The following PLCB1 variants were observed in gnomAD, a reference collection of about 807,000 sequenced individuals.
The protein encoded by PLCB1 is phospholipase C beta 1.
PLCB1 carries 46 observed loss-of-function variants against 161.8 expected under a neutral mutation model. The observed-to-expected ratio is 0.28, with a 90% CI of 0.22 to 0.36. The LOEUF (loss-of-function observed/expected upper bound fraction) is 0.36, where lower values mean the gene tolerates loss of function less well. Among genes scored for constraint, PLCB1 ranks in the 10% least tolerant of loss-of-function variants. The pLI is 1.00. For synonymous variants in PLCB1, 517 were observed against 503.7 expected (o/e 1.03, Z -0.35); for missense variants, 1,016 against 1,472.5 (o/e 0.69, Z 5.07).
intron 31 of PLCB1, among the ~76,000 whole-genome samples, chr20:8,819,719 G>T (rs1313093779): frequency 1.3e-5 from 2 of 151,644 alleles, no homozygotes; most frequent in Admixed American, 6.6e-5. Context: ...GGTGTAGATA[G>T]TCTCAAATTG....
At chr20:8,188,575 A>G (rs1170272641) in intron 2 of PLCB1, among the ~76,000 whole-genome samples, 3 of 152,188 alleles carry the variant, frequency 2.0e-5, no homozygotes, top group Non-Finnish European at 2.9e-5. Context: ...AAGTATGTTT[A>G]TGACATTATT....
intron 26 of PLCB1, among the ~76,000 whole-genome samples, chr20:8,773,951 G>A (rs554681969): frequency 4.4e-4 from 66 of 148,766 alleles, no homozygotes; most frequent in Middle Eastern, 3.4e-3. Flanking sequence ...TCCAGCTTGG[G>A]CAACAGAGCA....
At chr20:8,342,935 C>A (rs162223) in intron 2 of PLCB1, among the ~76,000 whole-genome samples, 1 of 152,206 alleles carries the variant, frequency 6.6e-6, no homozygotes, top group Admixed American at 6.5e-5. Context: ...CAAATCCCAA[C>A]AGTCCAATAA....
At chr20:8,629,837 CTTTCTTT>C (rs2123222703) in intron 4 of PLCB1, among the ~76,000 whole-genome samples, 1 of 89,400 alleles carries the variant, frequency 1.1e-5, no homozygotes, top group African/African-American at 5.0e-5. Flanking sequence ...TTCTTTCTTT[CTTTCTTT>C]CTTTCTTTCT....
chr20:8,876,167 T>G (rs939443489), intron 31 of PLCB1, among the ~76,000 whole-genome samples: 46 of 152,162 alleles, frequency 3.0e-4, no homozygotes, highest in African/African-American at 9.9e-4. Flanking sequence ...CTAGTCAAAT[T>G]AAAGAACTGG....
chr20:8,152,294 G>GAA (rs147347258), intron 2 of PLCB1, among the ~76,000 whole-genome samples: 1 of 151,214 alleles, frequency 6.6e-6, no homozygotes, highest in Non-Finnish European at 1.5e-5. Context: ...GAGGATTTAA[G>GAA]AAAAAAAAAT....
chr20:8,258,499 A>G (rs1191463466), intron 2 of PLCB1, among the ~76,000 whole-genome samples: 8 of 152,144 alleles, frequency 5.3e-5, no homozygotes, highest in Non-Finnish European at 1.2e-4. Flanking sequence ...TTGGTATGTG[A>G]ATTTCATACA....
chr20:8,861,728 CAAAAAAAAAA>C (rs35862889), intron 31 of PLCB1, among the ~76,000 whole-genome samples: 2 of 108,194 alleles, frequency 1.8e-5, no homozygotes, highest in African/African-American at 7.2e-5. Context: ...GACTCTACCT[CAAAAAAAAAA>C]AAAAAAAAAA....
chr20:8,636,784 G>A (rs1437718778), intron 4 of PLCB1, among the ~76,000 whole-genome samples: 1 of 152,160 alleles, frequency 6.6e-6, no homozygotes, highest in Non-Finnish European at 1.5e-5. Context: ...TGTCAACGCT[G>A]AGACATAGAA....
intron 10 of PLCB1, among the ~76,000 whole-genome samples, chr20:8,688,431 T>C (rs916671440): frequency 6.6e-6 from 1 of 152,202 alleles, no homozygotes; most frequent in African/African-American, 2.4e-5. Flanking sequence ...AGCCAATGTC[T>C]AGAAGGGTTT....
intron 3 of PLCB1, among the ~76,000 whole-genome samples, chr20:8,430,802 A>T (rs1240556184): frequency 6.6e-6 from 1 of 152,052 alleles, no homozygotes; most frequent in Admixed American, 6.5e-5. Flanking sequence ...ACTAAAAATT[A>T]AAAAATTAGC....
At chr20:8,606,838 A>G (rs903189667) in intron 3 of PLCB1, among the ~76,000 whole-genome samples, 10 of 152,192 alleles carry the variant, frequency 6.6e-5, no homozygotes, top group Admixed American at 4.6e-4. Context: ...TTGGAAAAGT[A>G]TTTCAAGGTC....
intron 3 of PLCB1, among the ~76,000 whole-genome samples, chr20:8,547,048 A>C (rs536075121): frequency 2.6e-5 from 4 of 152,186 alleles, no homozygotes; most frequent in Non-Finnish European, 4.4e-5. Flanking sequence ...CACTGATAAA[A>C]ACAAATGCTT....
chr20:8,782,908 A>G (rs966533517), intron 27 of PLCB1, among the ~76,000 whole-genome samples: 2 of 152,174 alleles, frequency 1.3e-5, no homozygotes, highest in Non-Finnish European at 2.9e-5. Flanking sequence ...GAGACTCCAA[A>G]CATACAAATT....
At chr20:8,168,855 T>C (rs1170606014) in intron 2 of PLCB1, among the ~76,000 whole-genome samples, 3 of 152,112 alleles carry the variant, frequency 2.0e-5, no homozygotes, top group Non-Finnish European at 4.4e-5. Context: ...GATTCTTTAC[T>C]GCAGAAAAAT....
At chr20:8,569,197 C>T (rs565613752) in intron 3 of PLCB1, among the ~76,000 whole-genome samples, 1 of 152,280 alleles carries the variant, frequency 6.6e-6, no homozygotes, top group South Asian at 2.1e-4. Flanking sequence ...CGAAAGTCAT[C>T]GTAGGAATGA....
At chr20:8,148,085 C>T (rs1437459240) in intron 1 of PLCB1, among the ~76,000 whole-genome samples, 7 of 151,950 alleles carry the variant, frequency 4.6e-5, no homozygotes, top group African/African-American at 1.7e-4. Context: ...AGAATTTTGT[C>T]AGATGCTCTG....
At position 8,160,531 on chromosome 20, in the gene PLCB1, T is replaced by A. The variant is rs149144131; in HGVS notation, c.177+10160T>A. Among the ~76,000 whole-genome samples, 1,474 of 152,328 alleles carry A rather than the reference T, an allele frequency of 9.7e-3. 25 individuals carry two copies. The highest frequency in any genetic ancestry group is 0.033 in the African/African-American group (1,385 of 41,570). On this transcript the variant is annotated intron_variant, in intron 2 of 31. Transcript: ENST00000338037. ...TGGAAGGTGAGAGGCACGTCTCACA[T>A]GGTGTCAGCCAAGAGAAAAGGGCTT... is the stretch of plus-strand genomic sequence containing the variant.
intron 3 of PLCB1, among the ~76,000 whole-genome samples, chr20:8,442,908 A>G (rs890290848): frequency 1.3e-5 from 2 of 152,108 alleles, no homozygotes; most frequent in Non-Finnish European, 2.9e-5. Context: ...AGCAAAGCCC[A>G]GATTTCAGGA....
Sources: gnomAD v4.1 joint callset for allele counts (sites outside exome capture counted in the v4.1 genomes callset) on GRCh38, gnomAD v4.1.1 for gene constraint, MANE v1.5 for transcripts, NCBI Gene and HGNC (gene_info 2026-07-23, HGNC 2026-07-21) for gene names.